Variants in BEND3 observed in about 807,000 individuals in gnomAD.
The protein encoded by BEND3 is BEN domain-containing protein 3.
Under a neutral mutation model 60.1 loss-of-function variants are expected in BEND3, and 13 were observed. The ratio of observed to expected loss-of-function variants is 0.22; its 90% CI spans 0.14 to 0.34. The LOEUF (loss-of-function observed/expected upper bound fraction) is 0.34. Ranked by LOEUF, BEND3 falls within the 10% of genes least tolerant of loss-of-function variation. BEND3 has a pLI of 1.00. For missense variants in BEND3, 896 were observed against 1,138.1 expected (o/e 0.79, Z 3.06); for synonymous variants, 497 against 491.5 (o/e 1.01, Z -0.15).
At chr6:107,091,087 G>A (rs1235678950) in intron 3 of BEND3, among the ~76,000 whole-genome samples, 1 of 151,064 alleles carries the variant, frequency 6.6e-6, no homozygotes, top group Admixed American at 6.6e-5. Context: ...TCCTGCCTGG[G>A]CAACAGAGTG....
chr6:107,070,333 C>A lies in BEND3; in HGVS notation c.858G>T (p.Arg286=). 1.2e-6 allele frequency: 2 copies of A among 1,612,844 alleles called. No individual in the cohort carries two copies. Among genetic ancestry groups the A allele is most frequent in the Non-Finnish European group, 1.7e-6 (2 of 1,179,920 alleles). The change falls in exon 4 of 4, where the codon CGG becomes CGT. Residue 286 remains arginine, a synonymous_variant. Coordinates refer to ENST00000369042, the MANE Select transcript of BEND3 (RefSeq NM_001367314.1). The surrounding 1 kb of genome is among the most constrained non-coding windows in gnomAD (Gnocchi z 6.9). Reference sequence around the variant, plus strand: ...CCGCAAAGCCACAGGCACTGCAGCCCCGGGAGAAGTCCACGTCGCTGAAGA... The same window carrying A: ...CCGCAAAGCCACAGGCACTGCAGCCACGGGAGAAGTCCACGTCGCTGAAGA... The part of the protein sequence containing the change: ...PELFSDVDFS[R]GCSACGFAAK...
At chr6:107,104,162 C>T (rs545758413) in intron 1 of BEND3, among the ~76,000 whole-genome samples, 51 of 149,734 alleles carry the variant, frequency 3.4e-4, no homozygotes, top group African/African-American at 1.2e-3. Context: ...TGGTGGCGGG[C>T]GCCCATAGTC....
At position 107,066,097 on chromosome 6, in the gene BEND3, A is replaced by G. The variant is rs1359240833; in HGVS notation, c.*2607T>C. 1 of 81,824 alleles carries G rather than the reference A, an allele frequency of 1.2e-5. No individual in the cohort carries two copies. Among genetic ancestry groups the G allele is most frequent in the Non-Finnish European group, 2.5e-5 (1 of 40,018 alleles). The allele number at this position is 81,824 out of a possible 1,614,324, so 5.1% of individuals were successfully genotyped here. On this transcript the variant is annotated 3_prime_UTR_variant, in exon 4 of 4. Coordinates refer to ENST00000369042, the MANE Select transcript of BEND3 (RefSeq NM_001367314.1). Reference sequence around the variant, plus strand: ...TTTAGTCCTTGGGATACAAGGCCAAAAAAAAAAAAAAAAAAATCCAAAAAA... The same window carrying G: ...TTTAGTCCTTGGGATACAAGGCCAAGAAAAAAAAAAAAAAAATCCAAAAAA...
intron 1 of BEND3, among the ~76,000 whole-genome samples, chr6:107,112,929 T>A (rs1045128475): frequency 7.0e-6 from 1 of 141,912 alleles, no homozygotes; most frequent in Non-Finnish European, 1.5e-5. Context: ...GAGGCCAAGG[T>A]GAGCGGATCA....
Position 107,098,692 on chromosome 6 carries a change from G to A in BEND3, c.99C>T (p.Ser33=), listed in dbSNP as rs782662435. Residue 33 remains serine (S), a synonymous_variant, in exon 3 of 4, where the codon TCC becomes TCT. Coordinates refer to ENST00000369042, the MANE Select transcript of BEND3 (RefSeq NM_001367314.1). ...TEAEDAALDC[S]VNSRTSEKHS... ...GCTTCTCAGAAGTCCTGGAATTCAC[G>A]GAGCAGTCCAGAGCAGCATCTTCAG... is the stretch of plus-strand genomic sequence containing the variant. The A allele has an allele frequency of 2.3e-5, 37 of 1,613,958 alleles. No individual in the cohort carries two copies. In the East Asian group the frequency reaches 2.4e-4, roughly 11 times the overall value.
chr6:107,105,357 A>G (rs1300063372), intron 1 of BEND3, among the ~76,000 whole-genome samples: 3 of 147,532 alleles, frequency 2.0e-5, no homozygotes, highest in African/African-American at 7.6e-5. Context: ...GGAGACAGAG[A>G]AAGACTCTGT....
At chr6:107,098,925 C>T (rs1313304476) in intron 2 of BEND3, among the ~76,000 whole-genome samples, 172 bp from the exon 3 acceptor site, 3 of 152,066 alleles carry the variant, frequency 2.0e-5, no homozygotes, top group East Asian at 3.9e-4. Context: ...TTTATCTCAC[C>T]GCACTAGTGC....
At position 107,099,409 on chromosome 6, in the gene BEND3, C is replaced by T. The variant is rs1313983205; in HGVS notation, c.-11-113G>A. ...CCAACCCCAGCTCTAGGTAACAGAG[C>T]AGCACAGCACTGTGGAAGCTATGTG... On this transcript the variant is annotated intron_variant, in intron 1 of 3. Coordinates refer to ENST00000369042, the MANE Select transcript of BEND3 (RefSeq NM_001367314.1). 7.1e-6 allele frequency: 6 copies of T among 844,868 alleles called. No homozygotes were observed. In the East Asian group the frequency reaches 9.8e-5, roughly 14 times the overall value. The allele number at this position is 844,868 out of a possible 1,614,324, so 52.3% of individuals were successfully genotyped here.
At position 107,068,178 on chromosome 6, in the gene BEND3, A is replaced by G. The variant is rs1774871210; in HGVS notation, c.*526T>C. ...TGTAAAAAACAAGGTCAGTAAAATC[A>G]GTATCCATGCCACCTGAAGCTATGA... On this transcript the variant is annotated 3_prime_UTR_variant, in exon 4 of 4. Transcript: ENST00000369042. This position sits in a 1 kb window ranked among gnomAD's most constrained non-coding sequence, Gnocchi z 5.8. 6.5e-6 allele frequency: 1 copy of G among 152,964 alleles called. No individual in the cohort carries two copies. The highest frequency in any genetic ancestry group is 2.1e-4 in the South Asian group (1 of 4,856). The allele number at this position is 152,964 out of a possible 1,614,324, so 9.5% of individuals were successfully genotyped here.
At chr6:107,109,745 A>T (rs1221337845) in intron 1 of BEND3, among the ~76,000 whole-genome samples, 1 of 151,950 alleles carries the variant, frequency 6.6e-6, no homozygotes, top group Non-Finnish European at 1.5e-5. Context: ...GTAGTGGCGG[A>T]CACCTGAAAT....
chr6:107,070,102 C>T lies in BEND3; in HGVS notation c.1089G>A (p.Val363=). The change falls in exon 4 of 4, where the codon GTG becomes GTA. Residue 363 remains valine, a synonymous_variant. Coordinates refer to ENST00000369042, the MANE Select transcript of BEND3 (RefSeq NM_001367314.1). The surrounding 1 kb of genome is among the most constrained non-coding windows in gnomAD (Gnocchi z 6.9). ...TGTTGTCCAGGAAGTGGCCGGGGTC[C>T]ACCTGCTCTGCCTCAAAGAAGCTGG... The part of the protein sequence containing the change: ...QVASFFEAEQ[V]DPGHFLDNKD... 1.2e-6 allele frequency: 2 copies of T among 1,613,430 alleles called. No homozygotes were observed. The highest frequency in any genetic ancestry group is 2.2e-5 in the East Asian group (1 of 44,876).
chr6:107,083,132 CACTA>C (rs573591167), intron 3 of BEND3, among the ~76,000 whole-genome samples: 47 of 152,188 alleles, frequency 3.1e-4, no homozygotes, highest in Non-Finnish European at 5.6e-4. Context: ...TAAGCTATTC[CACTA>C]ACTGTCTTGT....
Position 107,068,663 on chromosome 6 carries a change from A to G in BEND3, c.*41T>C, listed in dbSNP as rs6932450. ...TCAGTCCCAAGGGTGCCCATCGCTC[A>G]GCCTCTGGTGACCCCGAATCTCTGG... is the stretch of plus-strand genomic sequence containing the variant. On this transcript the variant is annotated 3_prime_UTR_variant, in exon 4 of 4. Coordinates refer to ENST00000369042, the MANE Select transcript of BEND3 (RefSeq NM_001367314.1). This position sits in a 1 kb window ranked among gnomAD's most constrained non-coding sequence, Gnocchi z 5.8. 9.6e-3 allele frequency: 15,238 copies of G among 1,586,766 alleles called. 833 individuals carry two copies. The African/African-American group carries it at 0.14, about 15-fold the overall frequency.
At position 107,070,002 on chromosome 6, in the gene BEND3, G is replaced by A; in HGVS notation, c.1189C>T (p.Leu397Phe). 1 of 1,613,812 alleles carries A rather than the reference G, an allele frequency of 6.2e-7. No homozygotes were observed. The highest frequency in any genetic ancestry group is 8.5e-7 in the Non-Finnish European group (1 of 1,180,034). ...ASDHVVDTQDLTEFLDEASSP... is the reference protein window; with the variant it reads ...ASDHVVDTQDFTEFLDEASSP... ...GAGGCTTCGTCCAGGAACTCAGTGA[G>A]GTCCTGCGTGTCCACCACGTGGTCT... Residue 397 changes from leucine to phenylalanine, a missense_variant, in exon 4 of 4, where the codon CTC (leucine) becomes TTC (phenylalanine). Leu to Phe is a conservative substitution (Grantham distance 22). Around this residue, in one of 4 missense-constraint regions of BEND3, gnomAD observed 846 missense variants for 1,036.7 expected, o/e 0.82. Transcript: ENST00000369042. The surrounding 1 kb of genome is among the most constrained non-coding windows in gnomAD (Gnocchi z 6.9).
In BEND3 at chr6:107,066,094, C is replaced by CAAA. The variant is rs59847361; in HGVS notation, c.*2607_*2609dup. 1 of 119,198 alleles carries CAAA rather than the reference C, an allele frequency of 8.4e-6. No individual in the cohort carries two copies. The highest frequency in any genetic ancestry group is 3.2e-5 in the African/African-American group (1 of 31,090). 7.4% of individuals were successfully genotyped at this position (119,198 alleles called of 1,614,324 possible). Reference sequence around the variant, plus strand: ...TCTTTTAGTCCTTGGGATACAAGGCCAAAAAAAAAAAAAAAAAAATCCAAA... The same window carrying CAAA: ...TCTTTTAGTCCTTGGGATACAAGGCCAAAAAAAAAAAAAAAAAAAAAATCCAAA... On this transcript the variant is annotated 3_prime_UTR_variant, in exon 4 of 4. Coordinates refer to ENST00000369042, the MANE Select transcript of BEND3 (RefSeq NM_001367314.1).
Position 107,080,397 on chromosome 6 carries a change from AAAAAG to A in BEND3, c.241-9452_241-9448del, listed in dbSNP as rs200310158. On this transcript the variant is annotated intron_variant, in intron 3 of 3. Transcript: ENST00000369042. ...AAAAAACAAAAAACAGGAAAAAGAAAAAAAGAAAAGAAAAGAAAAAGAAGAAAACA... is the reference window on the plus strand; with the variant it reads ...AAAAAACAAAAAACAGGAAAAAGAAAAAAAGAAAAGAAAAAGAAGAAAACA... Among the ~76,000 whole-genome samples, 483 of 151,554 alleles carry A rather than the reference AAAAAG, an allele frequency of 3.2e-3. 12 individuals carry two copies. In the East Asian group the frequency reaches 0.05, roughly 16 times the overall value.
At chr6:107,104,608 G>C (rs1199744382) in intron 1 of BEND3, among the ~76,000 whole-genome samples, 1 of 151,664 alleles carries the variant, frequency 6.6e-6, no homozygotes, top group Non-Finnish European at 1.5e-5. Flanking sequence ...TACAATGTAA[G>C]TGGTATATAA....
chr6:107,071,346 A>G (rs1554232045), intron 3 of BEND3, among the ~76,000 whole-genome samples: 1 of 152,184 alleles, frequency 6.6e-6, no homozygotes, highest in Non-Finnish European at 1.5e-5. Flanking sequence ...CGGGCAGGTC[A>G]CCCCATGGAC....
At chr6:107,115,040 C>T (rs1554239092) in intron 1 of BEND3, 50 bp downstream of exon 1, 1 of 148,318 alleles carries the variant, frequency 6.7e-6, no homozygotes, top group East Asian at 2.0e-4. Context: ...GCCCCGGAGC[C>T]GCCAACGCTG....
Sources: gnomAD v4.1 joint callset for allele counts (sites outside exome capture counted in the v4.1 genomes callset) on GRCh38, gnomAD v4.1.1 for gene constraint, gnomAD v4.1.1 regional missense constraint, Gnocchi (gnomAD v3.1) non-coding constraint, MANE v1.5 for transcripts, NCBI Gene and HGNC (gene_info 2026-07-23, HGNC 2026-07-21) for gene names.